Variants in NME7 observed in about 807,000 individuals in gnomAD.
The protein encoded by NME7 is NME/NM23 family member 7.
Under a neutral mutation model 49.1 loss-of-function variants are expected in NME7, and 41 were observed. That is an observed-to-expected ratio of 0.83 (90% CI 0.65 to 1.08). The LOEUF is 1.08. Ranked by LOEUF, NME7 falls within the 50% of genes least tolerant of loss-of-function variation. The pLI, the probability that NME7 is intolerant of heterozygous loss-of-function variation, is 0.00. For synonymous variants in NME7, 139 were observed against 150.6 expected, an observed-to-expected ratio of 0.92 and a Z score of 0.56; for missense variants, 423 against 463.4, an observed-to-expected ratio of 0.91 and a Z score of 0.80.
chr1:169,333,834 T>C (rs4264046), intron 1 of NME7, among the ~76,000 whole-genome samples: 96,291 of 151,818 alleles, frequency 0.63, 30,831 homozygotes, highest in East Asian at 0.92. Context: ...TTTCTAGAAA[T>C]AGCAACTATA....
intron 10 of NME7, among the ~76,000 whole-genome samples, chr1:169,179,181 C>T (rs116033991): frequency 0.014 from 2,202 of 152,232 alleles, 48 homozygotes; most frequent in African/African-American, 0.048. Context: ...GGATCTAATA[C>T]ATGTGGCCAA....
At chr1:169,324,798 AT>A (rs1651997322) in intron 1 of NME7, among the ~76,000 whole-genome samples, 1 of 152,194 alleles carries the variant, frequency 6.6e-6, no homozygotes, top group Non-Finnish European at 1.5e-5. Flanking sequence ...TGAGCTCCTG[AT>A]TTTACTATTG....
intron 10 of NME7, among the ~76,000 whole-genome samples, chr1:169,174,275 G>A (rs1183565646): frequency 6.6e-6 from 1 of 152,174 alleles, no homozygotes; most frequent in Non-Finnish European, 1.5e-5. Flanking sequence ...GAATGTCACT[G>A]TTTATTGAAT....
chr1:169,229,766 G>T (rs1166299512), intron 10 of NME7, among the ~76,000 whole-genome samples: 2 of 152,072 alleles, frequency 1.3e-5, no homozygotes, highest in Non-Finnish European at 2.9e-5. Context: ...TTCAAGACCA[G>T]CCTGGCCAAC....
chr1:169,289,472 C>T lies in NME7; in HGVS notation c.649-2064G>A, dbSNP rs574218617. Among the ~76,000 whole-genome samples the T allele has an allele frequency of 3.3e-5, 5 of 152,218 alleles. 1 individual carries two copies. Among genetic ancestry groups the T allele is most frequent in the African/African-American group, 1.2e-4 (5 of 41,556 alleles). ...AATGAGAAAAATGAGACTCAGAAAG[C>T]TTAAGTAACAAGCCCTTACAAGTTA... is the stretch of plus-strand genomic sequence containing the variant. On this transcript the variant is annotated intron_variant, in intron 6 of 11. Coordinates refer to ENST00000367811, the MANE Select transcript of NME7 (RefSeq NM_013330.5).
At chr1:169,204,859 C>T (rs779994924) in intron 10 of NME7, among the ~76,000 whole-genome samples, 19 of 152,038 alleles carry the variant, frequency 1.2e-4, no homozygotes, top group Non-Finnish European at 2.6e-4. Flanking sequence ...CTCAAATTTG[C>T]TATCTGTGTT....
chr1:169,350,387 A>C (rs1015622885), intron 1 of NME7, among the ~76,000 whole-genome samples: 1 of 152,032 alleles, frequency 6.6e-6, no homozygotes, highest in East Asian at 1.9e-4. Context: ...TAAATTCCCA[A>C]TGCATGTCTT....
chr1:169,249,739 A>G (rs911561187), intron 7 of NME7, among the ~76,000 whole-genome samples: 3 of 151,912 alleles, frequency 2.0e-5, no homozygotes, highest in African/African-American at 7.2e-5. Context: ...AGATGATCAT[A>G]GAGTTTTTCT....
chr1:169,327,378 TAA>T (rs1211166553), intron 1 of NME7, among the ~76,000 whole-genome samples: 6 of 152,334 alleles, frequency 3.9e-5, no homozygotes, highest in African/African-American at 1.4e-4. Context: ...ATTTTAAATA[TAA>T]GTTATACATA....
chr1:169,185,964 G>A (rs1557978629), intron 10 of NME7, among the ~76,000 whole-genome samples: 1 of 152,056 alleles, frequency 6.6e-6, no homozygotes, highest in East Asian at 1.9e-4. Flanking sequence ...TGTTTGCATT[G>A]GACTGAATCT....
intron 1 of NME7, among the ~76,000 whole-genome samples, chr1:169,363,853 G>A (rs897845463): frequency 2.0e-4 from 30 of 152,080 alleles, no homozygotes; most frequent in African/African-American, 6.5e-4. Context: ...CTGCAATCCC[G>A]GCAGGAGGAG....
intron 10 of NME7, among the ~76,000 whole-genome samples, chr1:169,217,852 C>T (rs183297180): frequency 6.6e-6 from 1 of 152,172 alleles, no homozygotes; most frequent in South Asian, 2.1e-4. Flanking sequence ...CAGCTTAAAG[C>T]AGCACTATAA....
intron 11 of NME7, among the ~76,000 whole-genome samples, chr1:169,156,448 G>A (rs1043668797): frequency 6.6e-6 from 1 of 152,070 alleles, no homozygotes; most frequent in African/African-American, 2.4e-5. Flanking sequence ...CCCCTGTAAG[G>A]TCACTTTTAG....
chr1:169,266,899 C>T (rs1649334494), intron 7 of NME7, among the ~76,000 whole-genome samples: 1 of 132,164 alleles, frequency 7.6e-6, no homozygotes, highest in African/African-American at 2.6e-5. Context: ...GAAACTCTGT[C>T]TCTATTAATA....
intron 11 of NME7, among the ~76,000 whole-genome samples, chr1:169,152,130 G>C (rs1014444120): frequency 2.6e-5 from 4 of 152,050 alleles, no homozygotes; most frequent in African/African-American, 4.8e-5. Context: ...CACGAAACAG[G>C]CCTGCCATAG....
At chr1:169,361,926 TAA>T (rs1257697279) in intron 1 of NME7, among the ~76,000 whole-genome samples, 1 of 152,066 alleles carries the variant, frequency 6.6e-6, no homozygotes, top group Non-Finnish European at 1.5e-5. Flanking sequence ...AAAACTCTGT[TAA>T]AAACAACTTT....
At chr1:169,157,733 G>A (rs1235159027) in intron 11 of NME7, among the ~76,000 whole-genome samples, 1 of 152,198 alleles carries the variant, frequency 6.6e-6, no homozygotes, top group Non-Finnish European at 1.5e-5. Flanking sequence ...TTAAGAGGCT[G>A]CTGCTGCTTC....
intron 10 of NME7, among the ~76,000 whole-genome samples, chr1:169,201,866 G>A (rs1346451627): frequency 6.6e-6 from 1 of 152,070 alleles, no homozygotes. Flanking sequence ...TCATAAAAGT[G>A]GATAGAATTA....
intron 10 of NME7, among the ~76,000 whole-genome samples, chr1:169,194,730 G>T (rs538285979): frequency 1.3e-5 from 2 of 152,232 alleles, no homozygotes; most frequent in East Asian, 3.9e-4. Flanking sequence ...ACAATTCTTA[G>T]CTGTAATAGA....
Sources: gnomAD v4.1 joint callset for allele counts (sites outside exome capture counted in the v4.1 genomes callset) on GRCh38, gnomAD v4.1.1 for gene constraint, MANE v1.5 for transcripts, NCBI Gene and HGNC (gene_info 2026-07-23, HGNC 2026-07-21) for gene names.